The following TRMT2B variants were observed in gnomAD, a reference collection of about 807,000 sequenced individuals.
TRMT2B encodes tRNA methyltransferase 2B.
A neutral mutation model predicts 39.7 loss-of-function variants in TRMT2B; 34 were observed. The observed-to-expected ratio is 0.86, with a 90% CI of 0.65 to 1.14. TRMT2B has a LOEUF of 1.14. TRMT2B is among the 50% of genes most tolerant of loss of function. TRMT2B has a pLI of 0.00. For missense variants in TRMT2B, 318 were observed against 377.2 expected (o/e 0.84, Z 1.30); for synonymous variants, 132 against 137.3 (o/e 0.96, Z 0.27).
At position 101,042,167 on chromosome X, in the gene TRMT2B, C is replaced by A. The variant is rs2088277004; in HGVS notation, c.123G>T (p.Gln41His). The A allele has an allele frequency of 8.3e-7, 1 of 1,210,757 alleles. No individual in the cohort carries two copies. The highest frequency in any genetic ancestry group is 1.7e-5 in the African/African-American group (1 of 57,443). ...WYARNPPGWS[Q>H]LFLGTVCKGD... ...CCTTACATACTGTGCCCAGAAAGAGCTGTGACCATCCTGGTGGATTTCTGG... is the reference window on the plus strand; with the variant it reads ...CCTTACATACTGTGCCCAGAAAGAGATGTGACCATCCTGGTGGATTTCTGG... The change falls in exon 3 of 14, where the codon CAG becomes CAT. Residue 41 changes from glutamine (Q) to histidine (H), a missense_variant. Coordinates refer to ENST00000372936, the MANE Select transcript of TRMT2B (RefSeq NM_024917.6).
intron 7 of TRMT2B, among the ~76,000 whole-genome samples, chrX:101,031,013 C>T (rs1360908363): frequency 9.1e-6 from 1 of 110,057 alleles, no homozygotes; most frequent in Admixed American, 9.8e-5. Flanking sequence ...GCTCTATCGC[C>T]CAGTTTGGAG....
At chrX:101,034,193 G>A (rs1324437872) in intron 7 of TRMT2B, among the ~76,000 whole-genome samples, 1 of 100,403 alleles carries the variant, frequency 1.0e-5, no homozygotes, top group Non-Finnish European at 2.0e-5. Context: ...CCAGGATGGA[G>A]TGCAATGGTG....
the TRMT2B span, among the ~76,000 whole-genome samples, chrX:101,002,646 G>T: frequency 2.7e-5 from 3 of 110,181 alleles, no homozygotes; most frequent in African/African-American, 9.9e-5. Flanking sequence ...GGGCCTGGTG[G>T]CAGGTGCATG....
In TRMT2B at chrX:101,020,483, G is replaced by A. The variant is rs769036050; in HGVS notation, c.1168+4C>T. 3.4e-6 allele frequency: 4 copies of A among 1,184,387 alleles called. No homozygotes were observed. The African/African-American group carries it at 7.1e-5, about 21-fold the overall frequency. ...AATTTCTACACAGACTGTAAGCTGT[G>A]TACCATTGAAGGCTGCAGTCCATCT... is the stretch of plus-strand genomic sequence containing the variant. On this transcript the variant is annotated splice_donor_region_variant and intron_variant, in intron 11 of 13. Coordinates refer to ENST00000372936, the MANE Select transcript of TRMT2B (RefSeq NM_024917.6).
chrX:100,974,959 G>A, the TRMT2B span, among the ~76,000 whole-genome samples: 1 of 111,422 alleles, frequency 9.0e-6, no homozygotes, highest in East Asian at 2.8e-4. Context: ...TACCTGAAGT[G>A]CTCATCAATT....
chrX:100,978,354 T>A, the TRMT2B span, among the ~76,000 whole-genome samples: 1 of 111,783 alleles, frequency 8.9e-6, no homozygotes, highest in South Asian at 3.7e-4. Flanking sequence ...TCTCTTTAGC[T>A]CTAATAATAT....
At chrX:101,034,415 T>A (rs1330119859) in intron 7 of TRMT2B, among the ~76,000 whole-genome samples, 3 of 109,685 alleles carry the variant, frequency 2.7e-5, no homozygotes, top group African/African-American at 1.0e-4. Context: ...GTGCTGGGAT[T>A]ACAGGCATGA....
chrX:100,994,309 C>CT, the TRMT2B span, among the ~76,000 whole-genome samples: 1 of 111,724 alleles, frequency 9.0e-6, no homozygotes, highest in Non-Finnish European at 1.9e-5. Flanking sequence ...CTTGGGGTTT[C>CT]TTTTCTTTAG....
chrX:101,010,717 C>T lies in TRMT2B; in HGVS notation c.1389-10G>A. ...TGGAGGACAGCACAGCCTGTAGAAA[C>T]AGAACATAGCATCAGTTCCCAGGAA... On this transcript the variant is annotated splice_polypyrimidine_tract_variant and intron_variant, in intron 13 of 13. Coordinates refer to ENST00000372936, the MANE Select transcript of TRMT2B (RefSeq NM_024917.6). 1 of 1,204,558 alleles carries T rather than the reference C, an allele frequency of 8.3e-7. No individual in the cohort carries two copies.
intron 7 of TRMT2B, among the ~76,000 whole-genome samples, chrX:101,025,929 G>T (rs990913116): frequency 1.8e-5 from 2 of 108,470 alleles, no homozygotes; most frequent in African/African-American, 6.7e-5. Context: ...TCCAGCCTAG[G>T]CGAGAGTGAG....
chrX:101,000,155 TTGTTGCCCAGCC>T, the TRMT2B span, among the ~76,000 whole-genome samples: 27 of 107,875 alleles, frequency 2.5e-4, no homozygotes, highest in South Asian at 0.011. Context: ...AGTTTTGCTC[TTGTTGCCCAGCC>T]TGGAGTGCAA....
At chrX:101,004,191 T>C in the TRMT2B span, among the ~76,000 whole-genome samples, 3 of 110,858 alleles carry the variant, frequency 2.7e-5, no homozygotes, top group Non-Finnish European at 5.7e-5. Context: ...TTTGTGGAGA[T>C]AGGGTTTTGC....
At chrX:101,034,512 G>C (rs1442792091) in intron 7 of TRMT2B, among the ~76,000 whole-genome samples, 3 of 111,198 alleles carry the variant, frequency 2.7e-5, no homozygotes, top group Non-Finnish European at 5.7e-5. Context: ...TGGGTAGAGG[G>C]GTCAGAGGTG....
At chrX:101,048,205 TGAC>T (rs2148080119) in intron 2 of TRMT2B, among the ~76,000 whole-genome samples, 1 of 110,017 alleles carries the variant, frequency 9.1e-6, no homozygotes, top group Non-Finnish European at 1.9e-5. Context: ...ACATGGAGGA[TGAC>T]GACATAGGTG....
chrX:101,027,812 A>G (rs1033512922), intron 7 of TRMT2B, among the ~76,000 whole-genome samples: 3 of 111,167 alleles, frequency 2.7e-5, no homozygotes, highest in Non-Finnish European at 5.7e-5. Context: ...CACCTCAAAT[A>G]CAACATGACC....
chrX:100,988,577 T>C, the TRMT2B span: 1 of 982,481 alleles, frequency 1.0e-6, no homozygotes, highest in South Asian at 2.7e-5. Flanking sequence ...GGATCAGTGG[T>C]TAGAGAAGAA....
At chrX:101,040,378 C>A (rs973962133) in intron 4 of TRMT2B, among the ~76,000 whole-genome samples, 5 of 109,872 alleles carry the variant, frequency 4.6e-5, no homozygotes, top group African/African-American at 1.7e-4. Flanking sequence ...AAAGTTCTAA[C>A]ACCAGATGTG....
chrX:101,018,465 C>T (rs1236092788), intron 13 of TRMT2B, among the ~76,000 whole-genome samples: 1 of 100,779 alleles, frequency 9.9e-6, no homozygotes, highest in Non-Finnish European at 2.0e-5. Flanking sequence ...TTTTCTGAGA[C>T]GGAGTCTCTC....
chrX:101,048,103 T>G (rs957350688), intron 2 of TRMT2B, among the ~76,000 whole-genome samples: 1 of 76,089 alleles, frequency 1.3e-5, no homozygotes, highest in African/African-American at 5.4e-5. Flanking sequence ...GAATTTTACA[T>G]TTATACACAT....
Sources: allele counts gnomAD v4.1 joint callset (sites outside exome capture counted in the v4.1 genomes callset), GRCh38; gene constraint gnomAD v4.1.1; transcripts MANE v1.5; gene names NCBI Gene and HGNC (gene_info 2026-07-23, HGNC 2026-07-21).